Variants in RCC1L observed in about 807,000 individuals in gnomAD.
RCC1L encodes the protein RCC1-like G exchanging factor-like protein.
Under a neutral mutation model 58.6 loss-of-function variants are expected in RCC1L, and 46 were observed. The ratio of observed to expected loss-of-function variants is 0.79; its 90% CI spans 0.62 to 1.00. RCC1L has a LOEUF of 1.00. RCC1L is among the 50% of genes least tolerant of loss of function. RCC1L has a pLI of 0.00. For synonymous variants in RCC1L, 281 were observed against 262.9 expected (o/e 1.07, Z -0.67); for missense variants, 636 against 623.6 (o/e 1.02, Z -0.21).
At chr7:75,047,951 TAAAAAA>T (rs1165495607) in intron 10 of RCC1L, among the ~76,000 whole-genome samples, 143 of 72,206 alleles carry the variant, frequency 2.0e-3, no homozygotes, top group African/African-American at 7.9e-3. Flanking sequence ...GGCCAATAAT[TAAAAAA>T]AAAAAAAAAA....
intron 10 of RCC1L, among the ~76,000 whole-genome samples, chr7:75,048,497 C>T (rs1476328319): frequency 6.6e-6 from 1 of 152,228 alleles, no homozygotes; most frequent in Non-Finnish European, 1.5e-5. Context: ...CCCCTTCGCT[C>T]CTGACTTCCG....
chr7:75,028,992 G>A (rs1339513121), intron 10 of RCC1L, among the ~76,000 whole-genome samples: 1 of 120,732 alleles, frequency 8.3e-6, no homozygotes. Flanking sequence ...TGTGGCCTCC[G>A]GAAGCAGCAG....
chr7:75,045,245 A>G lies in RCC1L; in HGVS notation c.1318-2136T>C, dbSNP rs897424120. Among the ~76,000 whole-genome samples the G allele has an allele frequency of 9.9e-4, 151 of 152,164 alleles. 2 individuals are homozygous for G. The South Asian group carries it at 0.031, about 31-fold the overall frequency. On this transcript the variant is annotated intron_variant, in intron 10 of 10. Transcript: ENST00000610322. ...GAGGCTGGATTATAGAGACACAATC[A>G]TAGCTCGCACTACAATGTCGAACTC...
rs1049075758 is a variant in RCC1L, at chr7:75,042,580, C to T, written c.*452G>A. The T allele has an allele frequency of 2.0e-6, 2 of 1,003,132 alleles. No individual in the cohort carries two copies. The highest frequency in any genetic ancestry group is 2.4e-6 in the Non-Finnish European group (2 of 839,908). The allele number at this position is 1,003,132 out of a possible 1,614,324, so 62.1% of individuals were successfully genotyped here. On this transcript the variant is annotated 3_prime_UTR_variant, in exon 11 of 11. Transcript: ENST00000610322. ...AATGAAAACCGAGGGCCGAAGCCAG[C>T]CTGACTCCCTCGCCTAAGCTGGGGC...
rs1805608397 is a variant in RCC1L at position 75,042,913 on chromosome 7, G to A, written c.*119C>T. 5 of 1,555,384 alleles carry A rather than the reference G, an allele frequency of 3.2e-6. No individual in the cohort carries two copies. The highest frequency in any genetic ancestry group is 4.4e-6 in the Non-Finnish European group (5 of 1,148,728). ...GGGATTCAGGACAGAGCGTCACACT[G>A]CACGCAGGGTCCTCCGCCACCACCA... On this transcript the variant is annotated 3_prime_UTR_variant, in exon 11 of 11. Transcript: ENST00000610322.
At chr7:75,072,179 T>G (rs1211990131) in intron 1 of RCC1L, among the ~76,000 whole-genome samples, 1 of 97,232 alleles carries the variant, frequency 1.0e-5, no homozygotes, top group Non-Finnish European at 2.2e-5. Context: ...TATATATATA[T>G]ATATATATAT....
In RCC1L at chr7:75,062,152, C is replaced by T. The variant is rs187152931; in HGVS notation, c.703-861G>A. 6.9e-3 allele frequency among the ~76,000 whole-genome samples: 800 copies of T among 115,244 alleles called. 4 individuals carry two copies. Among genetic ancestry groups the T allele is most frequent in the Non-Finnish European group, 8.1e-3 (427 of 52,510 alleles). The allele number at this position is 115,244 out of a possible 152,430, so 75.6% of individuals were successfully genotyped here. On this transcript the variant is annotated intron_variant, in intron 5 of 10. Transcript: ENST00000610322. The stretch of plus-strand genomic sequence containing the variant: ...GCTCTGAGCTGAGATTGTGCCACTG[C>T]ACTAAAATAAAAAAAAAGAAAAAGA...
At chr7:75,041,110 C>T (rs890838940), downstream of RCC1L, among the ~76,000 whole-genome samples, 39 of 152,082 alleles carry the variant, frequency 2.6e-4, 1 homozygote, top group East Asian at 6.6e-3. Context: ...CCCAGCTACT[C>T]GGGAGGCTGA....
At chr7:75,038,142 C>T (rs1430035718), downstream of RCC1L, among the ~76,000 whole-genome samples, 13 of 152,324 alleles carry the variant, frequency 8.5e-5, no homozygotes, top group African/African-American at 2.9e-4. Flanking sequence ...GGGCCAGTGC[C>T]GGGTGCTGCC....
Position 75,042,192 on chromosome 7 carries a change from A to T in RCC1L, c.*840T>A. 1.0e-6 allele frequency: 1 copy of T among 985,504 alleles called. No individual in the cohort carries two copies. Among genetic ancestry groups the T allele is most frequent in the South Asian group, 4.7e-5 (1 of 21,290 alleles). The allele number at this position is 985,504 out of a possible 1,614,324, so 61.0% of individuals were successfully genotyped here. A position where few individuals can be genotyped will look rare whatever the true frequency, so the allele number is the denominator to read the frequency against. On this transcript the variant is annotated 3_prime_UTR_variant, in exon 11 of 11. Transcript: ENST00000610322. Reference sequence around the variant, plus strand: ...AAGATCTCTTCAGAGCTTAAAAACCAAAAGGCAGAAAATAGACTTTATTCC... The same window carrying T: ...AAGATCTCTTCAGAGCTTAAAAACCTAAAGGCAGAAAATAGACTTTATTCC...
intron 9 of RCC1L, among the ~76,000 whole-genome samples, chr7:75,054,154 T>C (rs1195050649): frequency 6.6e-6 from 1 of 152,232 alleles, no homozygotes. Context: ...TCCTCTCATC[T>C]TGGCCTCCCA....
intron 9 of RCC1L, 112 bp downstream of exon 9, chr7:75,055,789 C>G (rs1426410909): frequency 7.8e-7 from 1 of 1,274,822 alleles, no homozygotes; most frequent in Admixed American, 1.8e-5. Flanking sequence ...AGTACAAAGG[C>G]GCCGTTCTGT....
At position 75,032,940 on chromosome 7, in the gene RCC1L, C is replaced by T. The variant is rs967601278; in HGVS notation, c.1318-4861G>A. Among the ~76,000 whole-genome samples the T allele has an allele frequency of 6.6e-5, 10 of 151,204 alleles. 1 individual carries two copies. In the South Asian group the frequency reaches 1.3e-3, roughly 19 times the overall value. ...TATAAAAATTAGTTGGGCGTGGTGGCGGGTGCCTGTAATCCCAGCTACTTG... is the reference window on the plus strand; with the variant it reads ...TATAAAAATTAGTTGGGCGTGGTGGTGGGTGCCTGTAATCCCAGCTACTTG... On this transcript the variant is annotated intron_variant, in intron 10 of 10. Transcript: ENST00000614461.
In RCC1L at chr7:75,073,529, C is replaced by G; in HGVS notation, c.209G>C (p.Gly70Ala). ...RVFVWGFSFS[G>A]ALGVPSFVVP... ...CACAAAGGAAGGCACGCCCAGCGCC[C>G]CCGAGAAGCTGAAGCCCCACACGAA... Residue 70 changes from glycine to alanine, a missense_variant, in exon 1 of 11, where the codon GGG becomes GCG. Transcript: ENST00000610322. The G allele has an allele frequency of 6.8e-7, 1 of 1,472,320 alleles. No individual in the cohort carries two copies. Among genetic ancestry groups the G allele is most frequent in the Non-Finnish European group, 8.9e-7 (1 of 1,120,182 alleles). The allele number at this position is 1,472,320 out of a possible 1,614,324, so 91.2% of individuals were successfully genotyped here.
chr7:75,057,796 G>T, intron 7 of RCC1L, 180 bp from the exon 8 acceptor site: 1 of 687,866 alleles, frequency 1.5e-6, no homozygotes, highest in Non-Finnish European at 2.7e-6. Flanking sequence ...AGCAAAAGAG[G>T]CCCAGTTTCC....
intron 2 of RCC1L, 124 bp from the exon 3 acceptor site, chr7:75,066,916 G>A (rs1806513002): frequency 7.6e-7 from 1 of 1,319,016 alleles, no homozygotes; most frequent in Middle Eastern, 2.0e-4. Flanking sequence ...ATCAAGACAG[G>A]TAAGTTAGGC....
downstream of RCC1L, among the ~76,000 whole-genome samples, chr7:75,041,727 G>A (rs1046108659): frequency 6.6e-5 from 10 of 151,884 alleles, no homozygotes. Context: ...AGCTGGGTGT[G>A]GTGGCGCACA....
At chr7:75,035,715 A>G (rs1050094798) in intron 10 of RCC1L, among the ~76,000 whole-genome samples, 3 of 152,076 alleles carry the variant, frequency 2.0e-5, no homozygotes, top group Non-Finnish European at 1.5e-5. Flanking sequence ...TATTAAAAAA[A>G]AAAAGCCTGG....
chr7:75,037,371 T>C (rs1270193536), downstream of RCC1L, among the ~76,000 whole-genome samples: 5 of 150,118 alleles, frequency 3.3e-5, no homozygotes, highest in Non-Finnish European at 5.9e-5. Context: ...TTTTAAAAAG[T>C]AGAGACGGTG....
Sources: gnomAD v4.1 joint callset for allele counts (sites outside exome capture counted in the v4.1 genomes callset) on GRCh38, gnomAD v4.1.1 for gene constraint, MANE v1.5 for transcripts, NCBI Gene and HGNC (gene_info 2026-07-23, HGNC 2026-07-21) for gene names.